ZBBX: variants seen among roughly 807,000 people sequenced by gnomAD.
ZBBX encodes the protein zinc finger B-box domain-containing protein 1.
Under a neutral mutation model 108.5 loss-of-function variants are expected in ZBBX, and 101 were observed. The observed-to-expected ratio is 0.93, with a 90% confidence interval of 0.79 to 1.10. The LOEUF (loss-of-function observed/expected upper bound fraction) is 1.10. Ranked by LOEUF, ZBBX falls within the 50% of genes least tolerant of loss-of-function variation. The probability of loss-of-function intolerance (pLI) is 0.00; values close to 1 mark genes in which losing one functional copy is unlikely to be tolerated. For missense variants in ZBBX, 1,009 were observed against 941.4 expected (o/e 1.07, Z -0.94); for synonymous variants, 356 against 323.4 (o/e 1.10, Z -1.08).
chr3:167,396,645 T>C (rs1748242953), intron 1 of ZBBX, among the ~76,000 whole-genome samples: 1 of 152,026 alleles, frequency 6.6e-6, no homozygotes, highest in Admixed American at 6.6e-5. Context: ...TGAATGAGAG[T>C]ATGTAACTGA....
chr3:167,388,583 C>T (rs932275947), intron 1 of ZBBX, among the ~76,000 whole-genome samples: 1 of 151,956 alleles, frequency 6.6e-6, no homozygotes, highest in East Asian at 1.9e-4. Flanking sequence ...TACTATGACA[C>T]GATCCGACAT....
upstream of ZBBX, among the ~76,000 whole-genome samples, chr3:167,383,737 T>A (rs1239201079): frequency 6.6e-6 from 1 of 152,114 alleles, no homozygotes; most frequent in Non-Finnish European, 1.5e-5. Context: ...TATAGCCTTG[T>A]TGAATGAGCA....
intron 1 of ZBBX, chr3:167,401,259 C>G (rs1270967245): frequency 6.6e-6 from 1 of 152,056 alleles, no homozygotes; most frequent in Admixed American, 6.6e-5. Context: ...AAATGAGTAT[C>G]AAAAAACGTT....
chr3:167,206,366 TA>T, the ZBBX span, among the ~76,000 whole-genome samples: 49 of 152,116 alleles, frequency 3.2e-4, no homozygotes, highest in Non-Finnish European at 8.8e-5. Context: ...ATACATACTA[TA>T]ATTTATTTAT....
intron 16 of ZBBX, among the ~76,000 whole-genome samples, chr3:167,308,344 C>T (rs546182928): frequency 6.6e-6 from 1 of 152,214 alleles, no homozygotes; most frequent in Non-Finnish European, 1.5e-5. Flanking sequence ...GAAAGGAACA[C>T]TTATACACTG....
intron 2 of ZBBX, among the ~76,000 whole-genome samples, chr3:167,379,105 A>T (rs1747418345): frequency 6.6e-6 from 1 of 152,110 alleles, no homozygotes; most frequent in African/African-American, 2.4e-5. Flanking sequence ...TTTTTGCACA[A>T]CCTACCCTAC....
At position 167,245,607 on chromosome 3, in the gene ZBBX, T is replaced by C. The variant is rs767518863; in HGVS notation, c.2255-2964A>G. Among the ~76,000 whole-genome samples the C allele has an allele frequency of 4.6e-5, 7 of 152,070 alleles. No individual in the cohort carries two copies. In the East Asian group the frequency reaches 9.7e-4, roughly 21 times the overall value. ...GGTCTAATGAATGGTGACATGATCA[T>C]GGGAGAAGATTTCCTCCTTGCTGTT... On this transcript the variant is annotated intron_variant, in intron 20 of 21. Transcript: ENST00000675490.
At chr3:167,183,674 A>G in the ZBBX span, among the ~76,000 whole-genome samples, 1 of 152,230 alleles carries the variant, frequency 6.6e-6, no homozygotes, top group African/African-American at 2.4e-5. Context: ...CCGCCACAGG[A>G]ACATGTCCGT....
rs117731063 is a variant in ZBBX at position 167,257,517 on chromosome 3, C to A, written c.2255-14874G>T. On this transcript the variant is annotated intron_variant, in intron 20 of 21. Transcript: ENST00000675490. ...TTCTCCCTATTCAGTTTAATACTAG[C>A]TGTGGGTCTATCATAGATGGCTTTT... 1.8e-3 allele frequency among the ~76,000 whole-genome samples: 270 copies of A among 152,216 alleles called. 1 individual carries two copies. In the East Asian group the frequency reaches 0.033, roughly 19 times the overall value.
the ZBBX span, among the ~76,000 whole-genome samples, chr3:167,179,962 GT>G: frequency 1.4e-3 from 210 of 152,222 alleles, no homozygotes; most frequent in African/African-American, 4.8e-3. Flanking sequence ...GAGGACAATA[GT>G]TTTTCCAGGA....
intron 2 of ZBBX, among the ~76,000 whole-genome samples, chr3:167,374,106 T>A (rs1746587638): frequency 6.6e-6 from 1 of 152,168 alleles, no homozygotes; most frequent in Non-Finnish European, 1.5e-5. Flanking sequence ...ACGAAAAGAA[T>A]CTTTGAGATA....
In ZBBX at chr3:167,330,865, G is replaced by GAAGAAGAAGAAGA. The variant is rs1553820632; in HGVS notation, c.688-2750_688-2749insTCTTCTTCTTCTT. 6.4e-3 allele frequency among the ~76,000 whole-genome samples: 140 copies of GAAGAAGAAGAAGA among 21,794 alleles called. 2 individuals carry two copies. Among genetic ancestry groups the GAAGAAGAAGAAGA allele is most frequent in the African/African-American group, 0.013 (95 of 7,270 alleles). 14.3% of individuals were successfully genotyped at this position (21,794 alleles called of 152,430 possible). On this transcript the variant is annotated intron_variant, in intron 10 of 21. Transcript: ENST00000675490. ...GGAAGAGGAGGAGGAGGAGGAGGAG[G>GAAGAAGAAGAAGA]AGGAGGAGAAGAAGAAGAAGAAGAA...
At chr3:167,321,020 G>A (rs1461598399) in intron 12 of ZBBX, among the ~76,000 whole-genome samples, 2 of 151,928 alleles carry the variant, frequency 1.3e-5, no homozygotes, top group Non-Finnish European at 2.9e-5. Flanking sequence ...ATAAAATTAA[G>A]GTAAAATGTA....
the ZBBX span, among the ~76,000 whole-genome samples, chr3:167,179,683 T>A: frequency 0.013 from 2,032 of 152,338 alleles, 22 homozygotes; most frequent in South Asian, 0.026. Flanking sequence ...CAAGCTCCGC[T>A]TTTTGAGCTG....
At chr3:167,272,502 C>T (rs1233811489) in intron 20 of ZBBX, among the ~76,000 whole-genome samples, 2 of 152,166 alleles carry the variant, frequency 1.3e-5, no homozygotes, top group African/African-American at 4.8e-5. Flanking sequence ...ACACTTGAGT[C>T]AAGAAAGCAC....
At chr3:167,309,825 T>A (rs913138736) in intron 16 of ZBBX, among the ~76,000 whole-genome samples, 11 of 152,252 alleles carry the variant, frequency 7.2e-5, no homozygotes, top group African/African-American at 2.4e-4. Flanking sequence ...TCCTCTTTAT[T>A]TATACAAATT....
chr3:167,306,614 A>T (rs1733691245), intron 16 of ZBBX, among the ~76,000 whole-genome samples: 1 of 152,202 alleles, frequency 6.6e-6, no homozygotes, highest in Non-Finnish European at 1.5e-5. Flanking sequence ...CAAACCAATT[A>T]AATCAGATCC....
At chr3:167,235,447 C>G (rs1720193839), downstream of ZBBX, among the ~76,000 whole-genome samples, 1 of 151,410 alleles carries the variant, frequency 6.6e-6, no homozygotes, top group African/African-American at 2.4e-5. Context: ...TGGATGAAGT[C>G]TATTTTCCCC....
At chr3:167,381,994 A>G (rs1747756436), upstream of ZBBX, among the ~76,000 whole-genome samples, 1 of 152,206 alleles carries the variant, frequency 6.6e-6, no homozygotes, top group Admixed American at 6.5e-5. Flanking sequence ...GAGAACAGTA[A>G]ACACATGTCA....
Sources: allele counts gnomAD v4.1 joint callset (sites outside exome capture counted in the v4.1 genomes callset), GRCh38; gene constraint gnomAD v4.1.1; transcripts MANE v1.5; gene names NCBI Gene and HGNC (gene_info 2026-07-23, HGNC 2026-07-21).